ATP10B: variants seen among roughly 807,000 people sequenced by gnomAD.
The protein encoded by ATP10B is phospholipid-transporting ATPase VB.
ATP10B carries 122 observed loss-of-function variants against 141.2 expected under a neutral mutation model. The observed-to-expected ratio is 0.86, with a 90% CI of 0.75 to 1.00. The LOEUF is 1.00. ATP10B is among the 50% of genes least tolerant of loss of function. The pLI is 0.00. For synonymous variants in ATP10B, 685 were observed against 692.0 expected (o/e 0.99, Z 0.16); for missense variants, 1,876 against 1,825.3 (o/e 1.03, Z -0.51).
At chr5:160,721,996 T>C (rs1017591650) in intron 2 of ATP10B, among the ~76,000 whole-genome samples, 8 of 152,220 alleles carry the variant, frequency 5.3e-5, no homozygotes, top group African/African-American at 1.7e-4. Flanking sequence ...ACCTTCTTTG[T>C]GTGGGGATAA....
the ATP10B span, among the ~76,000 whole-genome samples, chr5:160,914,431 A>G: frequency 6.6e-6 from 1 of 152,192 alleles, no homozygotes; most frequent in African/African-American, 2.4e-5. Flanking sequence ...TCCCTGAAAT[A>G]AAATGGTATA....
At chr5:160,905,339 G>T in the ATP10B span, among the ~76,000 whole-genome samples, 1 of 152,196 alleles carries the variant, frequency 6.6e-6, no homozygotes, top group Non-Finnish European at 1.5e-5. Flanking sequence ...ATCCAGATGG[G>T]CCTATGTTTA....
intron 20 of ATP10B, chr5:160,603,564 C>T: frequency 5.1e-6 from 1 of 197,688 alleles, no homozygotes; most frequent in Non-Finnish European, 1.1e-5. Flanking sequence ...TAACAGATTG[C>T]TGGCATATAG....
intron 19 of ATP10B, among the ~76,000 whole-genome samples, chr5:160,605,679 G>A (rs1474693310): frequency 6.6e-6 from 1 of 152,156 alleles, no homozygotes; most frequent in Non-Finnish European, 1.5e-5. Flanking sequence ...CGTTTAATAG[G>A]GTTTCTATTT....
chr5:160,687,284 AT>A (rs1237422479), intron 5 of ATP10B, among the ~76,000 whole-genome samples: 3 of 151,972 alleles, frequency 2.0e-5, no homozygotes. Flanking sequence ...CTGCCTCTCC[AT>A]TTTTTTTATG....
chr5:160,891,002 C>CGTGT, the ATP10B span, among the ~76,000 whole-genome samples: 1 of 151,062 alleles, frequency 6.6e-6, no homozygotes, highest in East Asian at 1.9e-4. Flanking sequence ...TATGTGTGTG[C>CGTGT]GTGTGTGTGT....
upstream of ATP10B, among the ~76,000 whole-genome samples, chr5:160,854,183 TTTA>T (rs537022218): frequency 1.1e-4 from 17 of 152,224 alleles, no homozygotes; most frequent in East Asian, 3.1e-3. Flanking sequence ...AGTGGTAATT[TTTA>T]TTTTTTATTA....
At chr5:160,617,122 A>C (rs1486298643) in intron 16 of ATP10B, among the ~76,000 whole-genome samples, 1 of 152,168 alleles carries the variant, frequency 6.6e-6, no homozygotes, top group Admixed American at 6.5e-5. Flanking sequence ...AGTCCTGGGG[A>C]TTTATGCAAG....
At chr5:160,594,832 G>C (rs1158823284) in intron 22 of ATP10B, among the ~76,000 whole-genome samples, 1 of 152,156 alleles carries the variant, frequency 6.6e-6, no homozygotes, top group Admixed American at 6.6e-5. Context: ...TCAACAAGAA[G>C]AGCTAACTAA....
chr5:160,860,913 C>T, the ATP10B span, among the ~76,000 whole-genome samples: 4 of 151,946 alleles, frequency 2.6e-5, no homozygotes, highest in Non-Finnish European at 4.4e-5. Context: ...GAATAATGGC[C>T]ATCCACTTTG....
chr5:160,596,510 C>T (rs1325869143), intron 22 of ATP10B, among the ~76,000 whole-genome samples: 1 of 137,198 alleles, frequency 7.3e-6, no homozygotes, highest in South Asian at 2.7e-4. Context: ...TCTCACCACT[C>T]CTATTCAACA....
intron 2 of ATP10B, among the ~76,000 whole-genome samples, chr5:160,779,816 A>C (rs1163675005): frequency 6.6e-6 from 1 of 152,092 alleles, no homozygotes; most frequent in Non-Finnish European, 1.5e-5. Context: ...AGTACTTAAC[A>C]ATGGATGCTG....
At chr5:160,735,602 C>T (rs780690060) in intron 2 of ATP10B, among the ~76,000 whole-genome samples, 8 of 151,844 alleles carry the variant, frequency 5.3e-5, no homozygotes, top group Non-Finnish European at 1.2e-4. Flanking sequence ...GACAGAAAAT[C>T]AACAAAAAAA....
At chr5:160,820,943 T>C (rs1035677498) in intron 1 of ATP10B, among the ~76,000 whole-genome samples, 2 of 152,114 alleles carry the variant, frequency 1.3e-5, no homozygotes, top group African/African-American at 4.8e-5. Flanking sequence ...TCATATTGAA[T>C]TGAGAGAAAC....
chr5:160,814,832 A>T (rs1219004721), intron 1 of ATP10B, among the ~76,000 whole-genome samples: 2 of 152,218 alleles, frequency 1.3e-5, no homozygotes, highest in Non-Finnish European at 2.9e-5. Context: ...GCCAATATTC[A>T]ACATTCTTAA....
rs1275116950 is a variant in ATP10B, at chr5:160,653,364, A to G, written c.676-4108T>C. 7.3e-5 allele frequency among the ~76,000 whole-genome samples: 6 copies of G among 82,684 alleles called. No individual in the cohort carries two copies. The East Asian group carries it at 1.3e-3, about 19-fold the overall frequency. The allele number at this position is 82,684 out of a possible 152,430, so 54.2% of individuals were successfully genotyped here. Reference sequence around the variant, plus strand: ...ACATACATAGGTAGTATATATACATACGTACATACATACATAGGTAGTATA... The same window carrying G: ...ACATACATAGGTAGTATATATACATGCGTACATACATACATAGGTAGTATA... On this transcript the variant is annotated intron_variant, in intron 7 of 25. Transcript: ENST00000327245.
chr5:160,617,614 G>A (rs948276266), intron 16 of ATP10B, among the ~76,000 whole-genome samples: 1 of 152,168 alleles, frequency 6.6e-6, no homozygotes, highest in Non-Finnish European at 1.5e-5. Context: ...CATGAGTTGT[G>A]TGTTACCCAT....
chr5:160,583,601 G>A (rs148981601), intron 24 of ATP10B, among the ~76,000 whole-genome samples: 2,378 of 152,330 alleles, frequency 0.016, 28 homozygotes, highest in Middle Eastern at 0.075. Flanking sequence ...CGTCAGGAAC[G>A]TTTAAGTCTG....
At chr5:160,629,709 CAT>C in intron 13 of ATP10B, among the ~76,000 whole-genome samples, 1 of 152,318 alleles carries the variant, frequency 6.6e-6, no homozygotes, top group South Asian at 2.1e-4. Context: ...AAAATAAACT[CAT>C]GAGCCAGAAC....
Sources: gnomAD v4.1 joint callset for allele counts (sites outside exome capture counted in the v4.1 genomes callset) on GRCh38, gnomAD v4.1.1 for gene constraint, MANE v1.5 for transcripts, NCBI Gene and HGNC (gene_info 2026-07-23, HGNC 2026-07-21) for gene names.